FLNA: variants seen among roughly 807,000 people sequenced by gnomAD.
The protein encoded by FLNA is filamin-A.
Under a neutral mutation model 157.6 loss-of-function variants are expected in FLNA, and 7 were observed. That is an observed-to-expected ratio of 0.04 (90% CI 0.03 to 0.08). The LOEUF (loss-of-function observed/expected upper bound fraction) is 0.08. Among genes scored for constraint, FLNA ranks in the 10% least tolerant of loss-of-function variants. The pLI is 1.00. For missense variants in FLNA, 1,750 were observed against 2,398.4 expected, an observed-to-expected ratio of 0.73 and a Z score of 5.65; for synonymous variants, 1,103 against 1,060.8, an observed-to-expected ratio of 1.04 and a Z score of -0.77.
intron 44 of FLNA, chrX:154,350,632 C>T (rs782317276): frequency 4.4e-4 from 174 of 393,223 alleles, no homozygotes; most frequent in Non-Finnish European, 6.8e-4. Context: ...GTACCATGGC[C>T]GTGGCTGAAG....
chrX:154,366,371 G>A lies in FLNA; in HGVS notation c.1165C>T (p.Pro389Ser), dbSNP rs2148117979. 2 of 1,212,194 alleles carry A rather than the reference G, an allele frequency of 1.6e-6. No homozygotes were observed. Among genetic ancestry groups the A allele is most frequent in the South Asian group, 3.5e-5 (2 of 57,047 alleles). Residue 389 changes from proline to serine, a missense_variant, in exon 8 of 48, where the codon CCC becomes TCC. This residue lies in a region of FLNA where 648 missense variants were observed against 805.8 expected (regional missense o/e 0.80). Coordinates refer to ENST00000369850, the MANE Select transcript of FLNA (RefSeq NM_001110556.2). The part of the protein sequence containing the change: ...GDASKVTAQG[P>S]GLEPSGNIAN... ...ATGTTGCCACTGGGCTCCAGGCCGG[G>A]ACCTTGGGCTGTCACTTTGCTGGCG...
chrX:154,350,125 T>C lies in FLNA; in HGVS notation c.7239A>G (p.Gly2413=). 8.3e-7 allele frequency: 1 copy of C among 1,211,181 alleles called. No individual in the cohort carries two copies. Among genetic ancestry groups the C allele is most frequent in the South Asian group, 1.8e-5 (1 of 57,028 alleles). ...CCCCAACTCGGATCTTGAAGGGGCTTCCAGGGATGTGGGTGCCGTTGAACT... is the reference window on the plus strand; with the variant it reads ...CCCCAACTCGGATCTTGAAGGGGCTCCCAGGGATGTGGGTGCCGTTGAACT... The part of the protein sequence containing the change: ...DVKFNGTHIP[G]SPFKIRVGEP... Residue 2413 remains glycine, a synonymous_variant, in exon 45 of 48, where the codon GGA becomes GGG. Transcript: ENST00000369850.
intron 15 of FLNA, 121 bp from the exon 16 acceptor site, chrX:154,362,905 C>T (rs2067724631): frequency 1.3e-6 from 1 of 769,870 alleles, no homozygotes; most frequent in African/African-American, 2.1e-5. Context: ...TCTGGCAGTT[C>T]CTCAGTTGAC....
At position 154,349,920 on chromosome X, in the gene FLNA, G is replaced by A. The variant is rs1361686653; in HGVS notation, c.7334-53C>T. 1.1e-5 allele frequency: 13 copies of A among 1,184,934 alleles called. No homozygotes were observed. The African/African-American group carries it at 1.4e-4, about 13-fold the overall frequency. ...CAGACTGGCCTGCCTCCCTGTCCTC[G>A]GCCACCCAGCACAGGCTTGTCACCT... On this transcript the variant is annotated intron_variant, in intron 45 of 47. Coordinates refer to ENST00000369850, the MANE Select transcript of FLNA (RefSeq NM_001110556.2).
At chrX:154,349,917 C>T (rs2067606079) in intron 45 of FLNA, 50 bp from the exon 46 acceptor site, 13 of 1,186,514 alleles carry the variant, frequency 1.1e-5, no homozygotes, top group African/African-American at 1.8e-5. Context: ...CCTCCCTGTC[C>T]TCGGCCACCC....
At chrX:154,360,636 CA>C (rs1557177825) in intron 21 of FLNA, 49 bp from the exon 22 acceptor site, 1 of 1,082,394 alleles carries the variant, frequency 9.2e-7, no homozygotes, top group African/African-American at 1.8e-5. Flanking sequence ...GCCCCGATCC[CA>C]GACCTCCTGC....
At chrX:154,351,559 G>A in intron 43 of FLNA, 22 bp downstream of exon 43, 1 of 1,099,774 alleles carries the variant, frequency 9.1e-7, no homozygotes, top group Non-Finnish European at 1.3e-6. Context: ...CCCCAGGTGG[G>A]CGGTTTCTCT....
At chrX:154,349,058 G>A (rs781921659) in intron 47 of FLNA, 22 bp from the exon 48 acceptor site, 3 of 1,177,429 alleles carry the variant, frequency 2.5e-6, no homozygotes, top group Non-Finnish European at 1.1e-6. Context: ...GGGGTCCTCA[G>A]TCCCAGGTCC....
Position 154,359,720 on chromosome X carries a change from C to T in FLNA, c.3979+12G>A, listed in dbSNP as rs2067689981. 8.3e-7 allele frequency: 1 copy of T among 1,209,056 alleles called. No homozygotes were observed. Among genetic ancestry groups the T allele is most frequent in the South Asian group, 1.8e-5 (1 of 56,858 alleles). ...CCCCGTCTGCCAGCCTGTGGGAGTCCCCAGCACGCACCCTCCTCGTAAGGC... is the reference window on the plus strand; with the variant it reads ...CCCCGTCTGCCAGCCTGTGGGAGTCTCCAGCACGCACCCTCCTCGTAAGGC... On this transcript the variant is annotated intron_variant, in intron 23 of 47. Transcript: ENST00000369850.
In FLNA at chrX:154,354,868, C is replaced by T; in HGVS notation, c.5174G>A (p.Arg1725His). ...PQPGKYVICV[R>H]FGGEHVPNSP... ...GTTGGGCACGTGCTCGCCACCAAAG[C>T]GCACACAGATGACGTATTTGCCCGG... Residue 1725 changes from arginine to histidine, a missense_variant, in exon 31 of 48, where the codon CGC becomes CAC. Arg to His is a conservative substitution (Grantham distance 29). Coordinates refer to ENST00000369850, the MANE Select transcript of FLNA (RefSeq NM_001110556.2). The T allele has an allele frequency of 8.3e-7, 1 of 1,212,027 alleles. No homozygotes were observed. Among genetic ancestry groups the T allele is most frequent in the Non-Finnish European group, 1.1e-6 (1 of 895,644 alleles).
At chrX:154,357,775 A>G in intron 28 of FLNA, 152 bp from the exon 29 acceptor site, 1 of 556,936 alleles carries the variant, frequency 1.8e-6, no homozygotes, top group East Asian at 3.6e-5. Context: ...GGCTGCCTGC[A>G]CCTGGCAGAG....
rs782463048 is a variant in FLNA, at chrX:154,366,658, T to C, written c.988-19A>G. On this transcript the variant is annotated intron_variant, in intron 6 of 47. Coordinates refer to ENST00000369850, the MANE Select transcript of FLNA (RefSeq NM_001110556.2). ...CTTTTGCCTGCAGTGGGAAGGAGCC[T>C]GTGAGCCTTTGCTAAGAGCAGCCCC... 2.5e-6 allele frequency: 3 copies of C among 1,208,254 alleles called. No homozygotes were observed. Among genetic ancestry groups the C allele is most frequent in the Non-Finnish European group, 3.4e-6 (3 of 891,942 alleles).
At chrX:154,363,200 T>C (rs1380560113) in intron 15 of FLNA, among the ~76,000 whole-genome samples, 4 of 105,920 alleles carry the variant, frequency 3.8e-5, no homozygotes, top group African/African-American at 1.4e-4. Flanking sequence ...GCGGACCACC[T>C]GGGGTCAGGC....
chrX:154,350,308 C>G, intron 44 of FLNA, 101 bp from the exon 45 acceptor site: 1 of 815,436 alleles, frequency 1.2e-6, no homozygotes, highest in South Asian at 2.1e-5. Context: ...CCCATTTTGC[C>G]GGTCCATCAG....
intron 47 of FLNA, 151 bp from the exon 48 acceptor site, chrX:154,349,187 C>G (rs2067598695): frequency 1.3e-6 from 1 of 759,814 alleles, no homozygotes. Context: ...GCCAGCTTAG[C>G]AGATTCCAGC....
At position 154,370,863 on chromosome X, in the gene FLNA, C is replaced by A. The variant is rs368292402; in HGVS notation, c.373+10G>T. 58 of 1,206,454 alleles carry A rather than the reference C, an allele frequency of 4.8e-5. No individual in the cohort carries two copies. Among genetic ancestry groups the A allele is most frequent in the African/African-American group, 1.6e-4 (9 of 57,305 alleles). ...CCCCCGCCCGCCCGGCGCTTCGGGGCGTCCCTCACCGATGGACACCAGTTT... is the reference window on the plus strand; with the variant it reads ...CCCCCGCCCGCCCGGCGCTTCGGGGAGTCCCTCACCGATGGACACCAGTTT... On this transcript the variant is annotated intron_variant, in intron 2 of 47. Coordinates refer to ENST00000369850, the MANE Select transcript of FLNA (RefSeq NM_001110556.2).
Position 154,366,764 on chromosome X carries a change from A to G in FLNA, c.955T>C (p.Tyr319His). ...RSAGQGEVLV[Y>H]VEDPAGHQEE... ...TGGTGTCCGGCCGGGTCCTCCACGT[A>G]CACCAGCACCTCTCCCTGGCCAGCA... Residue 319 changes from tyrosine to histidine, a missense_variant, in exon 6 of 48, where the codon TAC becomes CAC. This residue lies in a region of FLNA where 648 missense variants were observed against 805.8 expected (regional missense o/e 0.80). Transcript: ENST00000369850. 1 of 1,210,837 alleles carries G rather than the reference A, an allele frequency of 8.3e-7. No homozygotes were observed. Among genetic ancestry groups the G allele is most frequent in the Non-Finnish European group, 1.1e-6 (1 of 894,772 alleles).
Position 154,362,331 on chromosome X carries a change from G to T in FLNA, c.2567C>A (p.Ala856Asp). 1 of 1,210,766 alleles carries T rather than the reference G, an allele frequency of 8.3e-7. No homozygotes were observed. The highest frequency in any genetic ancestry group is 1.8e-5 in the South Asian group (1 of 56,999). ...GACTCGGATGGGGCTGGTGGGCGTGGCCTGCAGGCAGTGGGAGGAGAAGGC... is the reference window on the plus strand; with the variant it reads ...GACTCGGATGGGGCTGGTGGGCGTGTCCTGCAGGCAGTGGGAGGAGAAGGC... Reference protein sequence around the residue: ...YTIMVLFADQATPTSPIRVKV... With the variant: ...YTIMVLFADQDTPTSPIRVKV... Residue 856 changes from alanine (A) to aspartate (D), a missense_variant and splice_region_variant, in exon 18 of 48, where the codon GCC (alanine) becomes GAC (aspartate). Ala to Asp is a moderately radical substitution (Grantham distance 126). Coordinates refer to ENST00000369850, the MANE Select transcript of FLNA (RefSeq NM_001110556.2).
At chrX:154,351,383 C>G in intron 43 of FLNA, 198 bp downstream of exon 43, 1 of 444,353 alleles carries the variant, frequency 2.3e-6, no homozygotes, top group Non-Finnish European at 3.9e-6. Context: ...ACCTGAGACA[C>G]GAGAAAAACT....
Sources: allele counts gnomAD v4.1 joint callset (sites outside exome capture counted in the v4.1 genomes callset), GRCh38; gene constraint gnomAD v4.1.1; regional missense constraint gnomAD v4.1.1; transcripts MANE v1.5; gene names NCBI Gene and HGNC (gene_info 2026-07-23, HGNC 2026-07-21).